ATP8A1: variants seen among roughly 807,000 people sequenced by gnomAD.
ATP8A1 encodes ATPase phospholipid transporting 8A1.
In ATP8A1, 90 loss-of-function variants were observed where a neutral mutation model predicts 177.7. That is an observed-to-expected ratio of 0.51 (90% confidence interval 0.43 to 0.60). The LOEUF (loss-of-function observed/expected upper bound fraction) is 0.60. ATP8A1 is among the 20% of genes least tolerant of loss of function. The pLI, the probability that ATP8A1 is intolerant of heterozygous loss-of-function variation, is 0.00. For synonymous variants in ATP8A1, 493 were observed against 485.9 expected, an observed-to-expected ratio of 1.01 and a Z score of -0.19; for missense variants, 1,072 against 1,392.8, an observed-to-expected ratio of 0.77 and a Z score of 3.67.
chr4:42,618,958 C>T (rs1354051940), intron 4 of ATP8A1, among the ~76,000 whole-genome samples: 2 of 152,140 alleles, frequency 1.3e-5, no homozygotes, highest in Admixed American at 6.5e-5. Flanking sequence ...GATGATAATA[C>T]AGTTAACATT....
intron 2 of ATP8A1, chr4:42,626,732 C>T: frequency 2.1e-6 from 1 of 471,056 alleles, no homozygotes; most frequent in South Asian, 2.3e-5. Flanking sequence ...GAGGCATTTA[C>T]ACATAAGCAG....
chr4:42,469,696 A>C (rs1720180393), intron 25 of ATP8A1, among the ~76,000 whole-genome samples: 1 of 152,180 alleles, frequency 6.6e-6, no homozygotes, highest in African/African-American at 2.4e-5. Flanking sequence ...CAGGTAACAG[A>C]AATAGCACAT....
intron 22 of ATP8A1, among the ~76,000 whole-genome samples, chr4:42,518,285 A>G (rs183414814): frequency 1.3e-5 from 2 of 152,352 alleles, no homozygotes; most frequent in Non-Finnish European, 2.9e-5. Flanking sequence ...TTGTGAATAT[A>G]ATACTACCAT....
intron 12 of ATP8A1, among the ~76,000 whole-genome samples, chr4:42,576,943 T>A (rs1001196822): frequency 1.3e-5 from 2 of 152,190 alleles, no homozygotes; most frequent in African/African-American, 4.8e-5. Context: ...GAAACAAGAT[T>A]AAGCATTTTC....
At position 42,464,673 on chromosome 4, in the gene ATP8A1, A is replaced by T. The variant is rs576412773; in HGVS notation, c.2619+17T>A. On this transcript the variant is annotated intron_variant, in intron 27 of 36. Coordinates refer to ENST00000381668, the MANE Select transcript of ATP8A1 (RefSeq NM_006095.2). ...TGTATGCAAATGACAAGGATTTAAA[A>T]TTTAACCTGCTATTACCTCGATAAT... 2.1e-6 allele frequency: 3 copies of T among 1,440,644 alleles called. No individual in the cohort carries two copies. The African/African-American group carries it at 4.3e-5, about 21-fold the overall frequency. 89.2% of individuals were successfully genotyped at this position (1,440,644 alleles called of 1,614,324 possible).
chr4:42,454,471 G>A (rs1718261721), intron 29 of ATP8A1, among the ~76,000 whole-genome samples: 1 of 152,160 alleles, frequency 6.6e-6, no homozygotes, highest in East Asian at 1.9e-4. Context: ...CTGTGAAAGT[G>A]TATTTTATTT....
intron 25 of ATP8A1, among the ~76,000 whole-genome samples, chr4:42,466,779 A>G (rs10021360): frequency 0.25 from 38,573 of 152,106 alleles, 5,004 homozygotes; most frequent in South Asian, 0.39. Flanking sequence ...AGCAATTTTC[A>G]TTTCATTTTC....
intron 1 of ATP8A1, among the ~76,000 whole-genome samples, chr4:42,646,559 G>A (rs1740557894): frequency 6.6e-6 from 1 of 152,162 alleles, no homozygotes; most frequent in Non-Finnish European, 1.5e-5. Context: ...GCTGGCATCA[G>A]AACAAACCAT....
intron 4 of ATP8A1, among the ~76,000 whole-genome samples, chr4:42,619,118 C>T (rs535851218): frequency 9.3e-5 from 14 of 150,776 alleles, no homozygotes; most frequent in African/African-American, 1.5e-4. Context: ...AGTGGGATCT[C>T]GGCTCATTGC....
chr4:42,531,430 A>C (rs1436187463), intron 20 of ATP8A1, among the ~76,000 whole-genome samples: 1 of 152,364 alleles, frequency 6.6e-6, no homozygotes. Context: ...AACTGTCATG[A>C]GTATTTCCTC....
At chr4:42,459,565 T>C (rs867340747) in intron 27 of ATP8A1, 41 of 320,996 alleles carry the variant, frequency 1.3e-4, no homozygotes, top group African/African-American at 9.1e-4. Flanking sequence ...ATAGAAAAGC[T>C]AGATATATAG....
chr4:42,553,734 A>C (rs1255845581), intron 16 of ATP8A1, among the ~76,000 whole-genome samples: 1 of 152,200 alleles, frequency 6.6e-6, no homozygotes, highest in African/African-American at 2.4e-5. Context: ...TGCCATGTGA[A>C]GCTTGGCGTT....
intron 35 of ATP8A1, among the ~76,000 whole-genome samples, chr4:42,422,338 C>T (rs776945925): frequency 6.6e-6 from 1 of 152,146 alleles, no homozygotes; most frequent in Admixed American, 6.5e-5. Flanking sequence ...TATCTGCCCG[C>T]CTCGGCCTCC....
chr4:42,594,481 T>C lies in ATP8A1; in HGVS notation c.451-3597A>G, dbSNP rs1440440189. On this transcript the variant is annotated intron_variant, in intron 6 of 36. Transcript: ENST00000381668. ...ATGGTTATCGGCAAACAAGAACCACTTATCTTCACAAAATGGAAGAAAATT... is the reference window on the plus strand; with the variant it reads ...ATGGTTATCGGCAAACAAGAACCACCTATCTTCACAAAATGGAAGAAAATT... 17 of 620,246 alleles carry C rather than the reference T, an allele frequency of 2.7e-5. No homozygotes were observed. The East Asian group carries it at 3.6e-4, about 13-fold the overall frequency. The allele number at this position is 620,246 out of a possible 1,614,324, so 38.4% of individuals were successfully genotyped here.
chr4:42,491,602 A>G (rs996741544), intron 24 of ATP8A1, among the ~76,000 whole-genome samples: 2 of 152,174 alleles, frequency 1.3e-5, no homozygotes, highest in Non-Finnish European at 2.9e-5. Context: ...TCATAGTGAA[A>G]TAAATTAAAA....
chr4:42,643,753 A>T (rs1456054672), intron 1 of ATP8A1, among the ~76,000 whole-genome samples: 2 of 152,190 alleles, frequency 1.3e-5, no homozygotes, highest in Non-Finnish European at 2.9e-5. Context: ...CAACAGGCAG[A>T]TGATTCGCTG....
chr4:42,653,333 G>T (rs1032783630), intron 1 of ATP8A1, among the ~76,000 whole-genome samples: 5 of 26,986 alleles, frequency 1.9e-4, no homozygotes, highest in Admixed American at 8.1e-4. Context: ...AGCATATTTT[G>T]TGTGTGTTTT....
intron 25 of ATP8A1, among the ~76,000 whole-genome samples, chr4:42,470,877 A>C (rs1013233425): frequency 6.6e-6 from 1 of 152,182 alleles, no homozygotes; most frequent in African/African-American, 2.4e-5. Flanking sequence ...TTTTCTTTGC[A>C]ACAAACTTCC....
chr4:42,515,272 C>T (rs1725418738), intron 22 of ATP8A1, among the ~76,000 whole-genome samples: 1 of 152,206 alleles, frequency 6.6e-6, no homozygotes, highest in South Asian at 2.1e-4. Flanking sequence ...TGTAAATTTT[C>T]ATTTCATTTT....
Sources: gnomAD v4.1 joint callset for allele counts (sites outside exome capture counted in the v4.1 genomes callset) on GRCh38, gnomAD v4.1.1 for gene constraint, MANE v1.5 for transcripts, NCBI Gene and HGNC (gene_info 2026-07-23, HGNC 2026-07-21) for gene names.